DAPK1: variants seen among roughly 807,000 people sequenced by gnomAD.
DAPK1 encodes death-associated protein kinase 1.
DAPK1 carries 56 observed loss-of-function variants against 144.9 expected under a neutral mutation model. The ratio of observed to expected loss-of-function variants is 0.39; its 90% confidence interval spans 0.31 to 0.48. The LOEUF is 0.48. Among genes scored for constraint, DAPK1 ranks in the 20% least tolerant of loss-of-function variants. The probability of loss-of-function intolerance (pLI) is 0.95; values close to 1 mark genes in which losing one functional copy is unlikely to be tolerated. For missense variants in DAPK1, 1,454 were observed against 1,875.4 expected (o/e 0.78, Z 4.15); for synonymous variants, 690 against 749.0 (o/e 0.92, Z 1.29).
chr9:87,525,195 C>A (rs1373895788), intron 2 of DAPK1: 3 of 788,850 alleles, frequency 3.8e-6, no homozygotes, highest in Non-Finnish European at 6.5e-6. Flanking sequence ...TGGATGAGTA[C>A]CAGAACTTTC....
At chr9:87,643,095 G>A (rs1454132456) in intron 10 of DAPK1, among the ~76,000 whole-genome samples, 2 of 152,144 alleles carry the variant, frequency 1.3e-5, no homozygotes, top group African/African-American at 2.4e-5. Context: ...GATGTGGGGT[G>A]TCCAGCTCTG....
Position 87,583,967 on chromosome 9 carries a change from A to G in DAPK1, c.63-20987A>G, listed in dbSNP as rs145899237. ...ACACTTTTAAAATCAGCTGAATCATAATCTCTATTTTTATTTAATATTGGG... is the reference window on the plus strand; with the variant it reads ...ACACTTTTAAAATCAGCTGAATCATGATCTCTATTTTTATTTAATATTGGG... On this transcript the variant is annotated intron_variant, in intron 2 of 25. Coordinates refer to ENST00000408954, the MANE Select transcript of DAPK1 (RefSeq NM_004938.4). Among the ~76,000 whole-genome samples, 477 of 152,318 alleles carry G rather than the reference A, an allele frequency of 3.1e-3. 19 individuals are homozygous for G. The East Asian group carries it at 0.073, about 23-fold the overall frequency.
intron 15 of DAPK1, among the ~76,000 whole-genome samples, chr9:87,649,082 C>G (rs1195217394): frequency 6.6e-6 from 1 of 152,212 alleles, no homozygotes; most frequent in Admixed American, 6.5e-5. Context: ...CAGGTCTAAC[C>G]ACTTGATTCA....
At chr9:87,656,636 A>G (rs994941528) in intron 17 of DAPK1, among the ~76,000 whole-genome samples, 1 of 152,204 alleles carries the variant, frequency 6.6e-6, no homozygotes, top group Non-Finnish European at 1.5e-5. Flanking sequence ...ACTAGCCGGG[A>G]ATTGGAGCTG....
chr9:87,676,307 T>G (rs1469657557), intron 19 of DAPK1, among the ~76,000 whole-genome samples: 1 of 152,270 alleles, frequency 6.6e-6, no homozygotes, highest in African/African-American at 2.4e-5. Context: ...TCCTAGCACC[T>G]TCTAGACCTG....
At chr9:87,584,099 CATG>C (rs1167681820) in intron 2 of DAPK1, among the ~76,000 whole-genome samples, 1 of 152,102 alleles carries the variant, frequency 6.6e-6, no homozygotes, top group Non-Finnish European at 1.5e-5. Context: ...CTGTGTACAA[CATG>C]ATGTTTTGAA....
intron 2 of DAPK1, among the ~76,000 whole-genome samples, chr9:87,535,213 A>G (rs926502262): frequency 2.0e-5 from 3 of 151,984 alleles, no homozygotes; most frequent in Admixed American, 6.6e-5. Flanking sequence ...CTGGCTTGAG[A>G]ACTGCATTTC....
At chr9:87,584,547 T>C (rs1827870313) in intron 2 of DAPK1, among the ~76,000 whole-genome samples, 1 of 152,244 alleles carries the variant, frequency 6.6e-6, no homozygotes. Context: ...CCATTATGGC[T>C]GTGCTAATTT....
At chr9:87,612,792 G>A (rs62576184) in intron 3 of DAPK1, among the ~76,000 whole-genome samples, 16 of 152,184 alleles carry the variant, frequency 1.1e-4, no homozygotes, top group East Asian at 5.8e-4. Flanking sequence ...GGATTGGAGC[G>A]GGGGTGGGGG....
At chr9:87,561,362 T>C (rs1482441080) in intron 2 of DAPK1, among the ~76,000 whole-genome samples, 3 of 151,994 alleles carry the variant, frequency 2.0e-5, no homozygotes, top group African/African-American at 4.8e-5. Context: ...TCGTCTCTCC[T>C]AAAAATACAA....
chr9:87,516,306 T>C (rs1825051881), intron 2 of DAPK1, among the ~76,000 whole-genome samples: 1 of 152,150 alleles, frequency 6.6e-6, no homozygotes, highest in African/African-American at 2.4e-5. Flanking sequence ...AGCCAGGTCA[T>C]AGCTGTGGTC....
At chr9:87,541,020 T>C (rs1050336578) in intron 2 of DAPK1, among the ~76,000 whole-genome samples, 1 of 152,232 alleles carries the variant, frequency 6.6e-6, no homozygotes. Flanking sequence ...TATTGTACTT[T>C]ATCACATTTT....
chr9:87,537,251 G>A (rs1308818455), intron 2 of DAPK1, among the ~76,000 whole-genome samples: 1 of 152,194 alleles, frequency 6.6e-6, no homozygotes, highest in Non-Finnish European at 1.5e-5. Flanking sequence ...CTCCCAAAGT[G>A]CTGGGATTAC....
chr9:87,654,224 A>T (rs574118408), intron 17 of DAPK1, among the ~76,000 whole-genome samples: 1 of 152,342 alleles, frequency 6.6e-6, no homozygotes, highest in South Asian at 2.1e-4. Flanking sequence ...TTACCAAACA[A>T]CACAGACTAT....
chr9:87,583,566 A>G (rs2118841008), intron 2 of DAPK1, among the ~76,000 whole-genome samples: 1 of 152,370 alleles, frequency 6.6e-6, no homozygotes, highest in Non-Finnish European at 1.5e-5. Context: ...GCATAGAGAA[A>G]GAGCAGACTT....
At chr9:87,582,978 C>T (rs1391412180) in intron 2 of DAPK1, among the ~76,000 whole-genome samples, 1 of 152,058 alleles carries the variant, frequency 6.6e-6, no homozygotes, top group Non-Finnish European at 1.5e-5. Context: ...ACCCCAGATT[C>T]CTTCATCTTT....
intron 10 of DAPK1, among the ~76,000 whole-genome samples, chr9:87,642,350 A>G (rs1352682363): frequency 1.3e-5 from 2 of 152,224 alleles, no homozygotes; most frequent in South Asian, 2.1e-4. Context: ...ATTTTTTTCT[A>G]ATACTACAAG....
At chr9:87,542,648 A>G (rs549820759) in intron 2 of DAPK1, among the ~76,000 whole-genome samples, 3 of 152,284 alleles carry the variant, frequency 2.0e-5, no homozygotes, top group African/African-American at 7.2e-5. Flanking sequence ...AAACCCTCTG[A>G]GGTAGGAAAG....
intron 14 of DAPK1, 138 bp from the exon 15 acceptor site, chr9:87,648,643 G>A (rs1248568443): frequency 5.8e-6 from 4 of 690,674 alleles, no homozygotes; most frequent in East Asian, 2.7e-5. Flanking sequence ...CACTATAGGG[G>A]CATCTGCCCA....
Sources: gnomAD v4.1 joint callset for allele counts (sites outside exome capture counted in the v4.1 genomes callset) on GRCh38, gnomAD v4.1.1 for gene constraint, MANE v1.5 for transcripts, NCBI Gene and HGNC (gene_info 2026-07-23, HGNC 2026-07-21) for gene names.